The following ZNF350 variants were observed in gnomAD, a reference collection of about 807,000 sequenced individuals.
The protein encoded by ZNF350 is KRAB zinc finger protein ZFQR.
In ZNF350, 5 loss-of-function variants were observed where a neutral mutation model predicts 13.1. The observed-to-expected ratio is 0.38, with a 90% confidence interval of 0.20 to 0.80. The LOEUF is 0.80. Among genes scored for constraint, ZNF350 ranks in the 30% least tolerant of loss-of-function variants. ZNF350 has a pLI of 0.43. For synonymous variants in ZNF350, 199 were observed against 224.2 expected (o/e 0.89, Z 1.00); for missense variants, 534 against 644.2 (o/e 0.83, Z 1.85).
At chr19:51,971,578 G>A (rs1234125242) in intron 2 of ZNF350, among the ~76,000 whole-genome samples, 3 of 152,310 alleles carry the variant, frequency 2.0e-5, no homozygotes, top group East Asian at 3.9e-4. Flanking sequence ...TCACTCCCTG[G>A]TGCTGAGGTT....
chr19:51,966,630 C>A (rs1300853903), intron 4 of ZNF350, among the ~76,000 whole-genome samples: 1 of 150,766 alleles, frequency 6.6e-6, no homozygotes, highest in East Asian at 2.0e-4. Flanking sequence ...CGGCTCACAG[C>A]CAAAGTATTT....
chr19:51,964,873 T>C lies in ZNF350; in HGVS notation c.1580A>G (p.Tyr527Cys). ...VPSVINYVLFYVTENP is the reference protein window; with the variant it reads ...VPSVINYVLFCVTENP ...TTCTTCCTATGGGTTTTCTGTAACATAAAATAAGACATAATTGATCACGGA... is the reference window on the plus strand; with the variant it reads ...TTCTTCCTATGGGTTTTCTGTAACACAAAATAAGACATAATTGATCACGGA... Residue 527 changes from tyrosine to cysteine, a missense_variant, in exon 5 of 5, where the codon TAT becomes TGT. Tyr to Cys is a radical substitution (Grantham distance 194). Coordinates refer to ENST00000243644, the MANE Select transcript of ZNF350 (RefSeq NM_021632.4). 2 of 1,608,140 alleles carry C rather than the reference T, an allele frequency of 1.2e-6. No individual in the cohort carries two copies. The highest frequency in any genetic ancestry group is 1.7e-6 in the Non-Finnish European group (2 of 1,175,464).
intron 1 of ZNF350, among the ~76,000 whole-genome samples, chr19:51,975,448 A>C (rs1455516795): frequency 6.6e-6 from 1 of 151,500 alleles, no homozygotes; most frequent in East Asian, 1.9e-4. Flanking sequence ...AAAAAAAAAA[A>C]AAAACTAGTA....
rs2085887613 is a variant in ZNF350, at chr19:51,976,095, GGCGCC to G, written c.-171-1569_-171-1565del. Among the ~76,000 whole-genome samples, 1 of 147,448 alleles carries G rather than the reference GGCGCC, an allele frequency of 6.8e-6. No individual in the cohort carries two copies. Among genetic ancestry groups the G allele is most frequent in the South Asian group, 2.2e-4 (1 of 4,578 alleles). On this transcript the variant is annotated intron_variant, in intron 1 of 4. Transcript: ENST00000243644. The surrounding 1 kb of genome is among the most constrained non-coding windows in gnomAD (Gnocchi z 4.5). ...TCTTGCAAGACTACTCTGGACCCCT[GGCGCC>G]GTTATCTACTGCGACATCTAGAGAA...
intron 4 of ZNF350, among the ~76,000 whole-genome samples, chr19:51,968,153 C>T (rs558021974): frequency 1.2e-3 from 187 of 152,168 alleles, no homozygotes; most frequent in African/African-American, 4.4e-3. Context: ...ACATCCATCA[C>T]AGGGGAGGTG....
intron 1 of ZNF350, among the ~76,000 whole-genome samples, chr19:51,977,572 G>A (rs57637334): frequency 0.14 from 21,624 of 152,144 alleles, 1,632 homozygotes; most frequent in South Asian, 0.26. Context: ...CGCTAAATGC[G>A]CCTGGGCCAC....
At chr19:51,970,693 A>C (rs1351949753) in intron 2 of ZNF350, among the ~76,000 whole-genome samples, 1 of 152,180 alleles carries the variant, frequency 6.6e-6, no homozygotes, top group Non-Finnish European at 1.5e-5. Flanking sequence ...ATGGAGAAAC[A>C]ATATCCAAAG....
chr19:51,982,801 A>T (rs975026606), intron 1 of ZNF350, among the ~76,000 whole-genome samples: 1 of 152,250 alleles, frequency 6.6e-6, no homozygotes, highest in Non-Finnish European at 1.5e-5. Context: ...AGGACAAAGG[A>T]ACAGAATAAA....
chr19:51,985,883 T>C (rs1415512775), intron 1 of ZNF350, among the ~76,000 whole-genome samples: 1 of 152,108 alleles, frequency 6.6e-6, no homozygotes, highest in African/African-American at 2.4e-5. Context: ...GGCGTGGGCC[T>C]GTAGTCCCAG....
chr19:51,983,189 A>G (rs912554267), intron 1 of ZNF350, among the ~76,000 whole-genome samples: 35 of 152,228 alleles, frequency 2.3e-4, no homozygotes, highest in African/African-American at 8.0e-4. Context: ...TGCAGGCAGT[A>G]TGCTTGGTAA....
At chr19:51,986,438 C>G (rs946640975) in intron 1 of ZNF350, 1 of 152,566 alleles carries the variant, frequency 6.6e-6, no homozygotes, top group African/African-American at 2.4e-5. Flanking sequence ...CAAATTAAAT[C>G]CTGAACCCGA....
At chr19:51,975,429 T>A (rs1262368469) in intron 1 of ZNF350, among the ~76,000 whole-genome samples, 3 of 88,992 alleles carry the variant, frequency 3.4e-5, no homozygotes, top group Admixed American at 1.3e-4. Context: ...AACCTCGTCT[T>A]AAAAAAAAAA....
intron 1 of ZNF350, among the ~76,000 whole-genome samples, chr19:51,978,017 C>T (rs912682697): frequency 6.6e-6 from 1 of 152,148 alleles, no homozygotes; most frequent in African/African-American, 2.4e-5. Context: ...CAGTTCACTC[C>T]CTAGCAGAAA....
chr19:51,975,390 T>C (rs541140312), intron 1 of ZNF350, among the ~76,000 whole-genome samples: 4 of 144,398 alleles, frequency 2.8e-5, no homozygotes, highest in Non-Finnish European at 4.5e-5. Flanking sequence ...GCCTGTGCCA[T>C]TGTACTCCAG....
chr19:51,982,338 T>G (rs1360841140), intron 1 of ZNF350, among the ~76,000 whole-genome samples: 1 of 152,232 alleles, frequency 6.6e-6, no homozygotes, highest in Non-Finnish European at 1.5e-5. Flanking sequence ...AAAACCTGTT[T>G]CTAACAAAAT....
chr19:51,974,295 A>G, intron 2 of ZNF350, 51 bp downstream of exon 2: 1 of 1,601,770 alleles, frequency 6.2e-7, no homozygotes. Flanking sequence ...AGGCTTCTAC[A>G]AATCTATTAT....
intron 1 of ZNF350, among the ~76,000 whole-genome samples, chr19:51,985,009 G>A (rs2086134529): frequency 6.6e-6 from 1 of 152,158 alleles, no homozygotes. Flanking sequence ...ATTATATAAA[G>A]AAAAGCCTAA....
intron 1 of ZNF350, 53 bp from the exon 2 acceptor site, chr19:51,974,584 G>T: frequency 1.9e-6 from 1 of 537,996 alleles, no homozygotes; most frequent in Non-Finnish European, 3.4e-6. Context: ...TCCAGGCCCA[G>T]ATACTGTCAC....
Position 51,976,051 on chromosome 19 carries a change from C to G in ZNF350, c.-171-1520G>C, listed in dbSNP as rs1242559188. On this transcript the variant is annotated intron_variant, in intron 1 of 4. Coordinates refer to ENST00000243644, the MANE Select transcript of ZNF350 (RefSeq NM_021632.4). This position sits in a 1 kb window ranked among gnomAD's most constrained non-coding sequence, Gnocchi z 4.5. The stretch of plus-strand genomic sequence containing the variant: ...CACTCCCTGGCGCCGTTATCTACTG[C>G]GACATCTAGAGAATGCAGTCTTGCA... Among the ~76,000 whole-genome samples, 1 of 152,080 alleles carries G rather than the reference C, an allele frequency of 6.6e-6. No homozygotes were observed. The highest frequency in any genetic ancestry group is 1.5e-5 in the Non-Finnish European group (1 of 68,018).
Sources: gnomAD v4.1 joint callset for allele counts (sites outside exome capture counted in the v4.1 genomes callset) on GRCh38, gnomAD v4.1.1 for gene constraint, Gnocchi (gnomAD v3.1) non-coding constraint, MANE v1.5 for transcripts, NCBI Gene and HGNC (gene_info 2026-07-23, HGNC 2026-07-21) for gene names.